The following SLC25A42 variants were observed in gnomAD, a reference collection of about 807,000 sequenced individuals.
SLC25A42 encodes solute carrier family 25 member 42.
A neutral mutation model predicts 34.7 loss-of-function variants in SLC25A42; 19 were observed. That is an observed-to-expected ratio of 0.55 (90% confidence interval 0.38 to 0.80). The LOEUF (loss-of-function observed/expected upper bound fraction) is 0.80, where lower values mean the gene tolerates loss of function less well. SLC25A42 is among the 30% of genes least tolerant of loss of function. The probability of loss-of-function intolerance (pLI) is 0.00; values close to 1 mark genes in which losing one functional copy is unlikely to be tolerated. For missense variants in SLC25A42, 364 were observed against 441.3 expected (o/e 0.82, Z 1.57); for synonymous variants, 205 against 191.2 (o/e 1.07, Z -0.59).
chr19:19,099,024 T>C (rs2059780629), intron 2 of SLC25A42, among the ~76,000 whole-genome samples: 1 of 152,216 alleles, frequency 6.6e-6, no homozygotes, highest in Admixed American at 6.5e-5. Context: ...CTCCATGGAA[T>C]ATTCCATTTG....
intron 2 of SLC25A42, among the ~76,000 whole-genome samples, chr19:19,098,254 TGGTG>T (rs2145917842): frequency 6.6e-6 from 1 of 152,252 alleles, no homozygotes; most frequent in South Asian, 2.1e-4. Context: ...CAGGTGCCAC[TGGTG>T]GCTACCTGGA....
intron 1 of SLC25A42, among the ~76,000 whole-genome samples, chr19:19,087,841 G>A (rs2059716117): frequency 6.6e-6 from 1 of 152,244 alleles, no homozygotes; most frequent in Non-Finnish European, 1.5e-5. Context: ...GCTGTGGAGT[G>A]GAAAAGGGCA....
intron 1 of SLC25A42, among the ~76,000 whole-genome samples, chr19:19,082,813 A>AT (rs1245493105): frequency 1.0e-4 from 15 of 148,918 alleles, no homozygotes; most frequent in Admixed American, 4.0e-4. Context: ...AGCCCAACTA[A>AT]TTTTTTTTTT....
chr19:19,076,300 T>TA (rs558947062), intron 1 of SLC25A42, among the ~76,000 whole-genome samples: 4,722 of 143,934 alleles, frequency 0.033, 155 homozygotes, highest in African/African-American at 0.092. Flanking sequence ...CTATCTCTAC[T>TA]AAAAAAAAAA....
chr19:19,080,685 G>C (rs765554968), intron 1 of SLC25A42, among the ~76,000 whole-genome samples: 1 of 152,018 alleles, frequency 6.6e-6, no homozygotes, highest in Non-Finnish European at 1.5e-5. Flanking sequence ...CACTTTGGGA[G>C]GCCAAGGTGG....
chr19:19,072,900 G>A (rs1208446149), intron 1 of SLC25A42, among the ~76,000 whole-genome samples: 1 of 151,618 alleles, frequency 6.6e-6, no homozygotes. Context: ...GTGCAGTGGT[G>A]GGATCATAGC....
chr19:19,066,784 C>G (rs1438063093), intron 1 of SLC25A42, among the ~76,000 whole-genome samples: 1 of 152,100 alleles, frequency 6.6e-6, no homozygotes. Flanking sequence ...ACAAACAGAG[C>G]TGCAATGGAT....
In SLC25A42 at chr19:19,070,627, T is replaced by C. The variant is rs191712942; in HGVS notation, c.-35+6512T>C. Reference sequence around the variant, plus strand: ...TCTTATAAGGACACTAGTCCTTGGGTTTAGGGCTCACCCTAAATCTCAAGG... The same window carrying C: ...TCTTATAAGGACACTAGTCCTTGGGCTTAGGGCTCACCCTAAATCTCAAGG... On this transcript the variant is annotated intron_variant, in intron 1 of 7. Coordinates refer to ENST00000318596, the MANE Select transcript of SLC25A42 (RefSeq NM_178526.5). Among the ~76,000 whole-genome samples the C allele has an allele frequency of 2.5e-3, 385 of 152,138 alleles. 11 individuals carry two copies. Among genetic ancestry groups the C allele is most frequent in the Admixed American group, 0.025 (374 of 15,262 alleles).
At chr19:19,089,622 C>T (rs944149540) in intron 1 of SLC25A42, among the ~76,000 whole-genome samples, 3 of 151,892 alleles carry the variant, frequency 2.0e-5, no homozygotes, top group African/African-American at 7.3e-5. Context: ...AATCCCAGCA[C>T]TTTGGGAGGC....
At chr19:19,101,973 CTTTTA>C in intron 3 of SLC25A42, 87 bp downstream of exon 3, 1 of 801,322 alleles carries the variant, frequency 1.2e-6, no homozygotes, top group Non-Finnish European at 2.0e-6. Flanking sequence ...TTCAAATTGG[CTTTTA>C]TTTTTAGATT....
At chr19:19,082,734 C>T (rs56159042) in intron 1 of SLC25A42, among the ~76,000 whole-genome samples, 9,686 of 152,062 alleles carry the variant, frequency 0.064, 373 homozygotes, top group Middle Eastern at 0.15. Context: ...GATCACACCT[C>T]GTTGCAGCCT....
At chr19:19,108,473 T>C (rs1234523275) in intron 7 of SLC25A42, among the ~76,000 whole-genome samples, 5 of 151,406 alleles carry the variant, frequency 3.3e-5, no homozygotes, top group Non-Finnish European at 5.9e-5. Flanking sequence ...CACCCAAGCC[T>C]GGGAGGTCAA....
chr19:19,089,552 A>G (rs1166384583), intron 1 of SLC25A42, among the ~76,000 whole-genome samples: 1 of 145,722 alleles, frequency 6.9e-6, no homozygotes, highest in African/African-American at 2.6e-5. Flanking sequence ...TAATAATAAT[A>G]ATAAATTATA....
chr19:19,099,624 C>T (rs990850304), intron 2 of SLC25A42, among the ~76,000 whole-genome samples: 5 of 152,272 alleles, frequency 3.3e-5, no homozygotes, highest in Admixed American at 6.5e-5. Context: ...AGTCTGACTC[C>T]GGTTGCCTGT....
Position 19,111,323 on chromosome 19 carries a change from C to G in SLC25A42, c.*447C>G, listed in dbSNP as rs1171179440. 5.8e-6 allele frequency: 1 copy of G among 172,744 alleles called. No homozygotes were observed. Among genetic ancestry groups the G allele is most frequent in the African/African-American group, 2.4e-5 (1 of 41,674 alleles). The allele number at this position is 172,744 out of a possible 1,614,324, so 10.7% of individuals were successfully genotyped here. A position where few individuals can be genotyped will look rare whatever the true frequency, so the allele number is the denominator to read the frequency against. ...CCCGGCCTCCAGGGTGCGGGGGCGC[C>G]TTTCTTGCAGGCGGACCCTGCCCAG... On this transcript the variant is annotated 3_prime_UTR_variant, in exon 8 of 8. Transcript: ENST00000318596.
At chr19:19,080,731 G>A (rs2059677147) in intron 1 of SLC25A42, among the ~76,000 whole-genome samples, 1 of 151,900 alleles carries the variant, frequency 6.6e-6, no homozygotes, top group South Asian at 2.1e-4. Context: ...ACCAGCCTGG[G>A]CAACATGGTG....
chr19:19,083,750 A>C (rs1324594198), intron 1 of SLC25A42, among the ~76,000 whole-genome samples: 1 of 152,120 alleles, frequency 6.6e-6, no homozygotes, highest in Non-Finnish European at 1.5e-5. Flanking sequence ...AGAGCCCCAG[A>C]AAAAGTGAAA....
intron 1 of SLC25A42, among the ~76,000 whole-genome samples, chr19:19,094,299 T>G (rs1332116557): frequency 6.6e-6 from 1 of 152,254 alleles, no homozygotes; most frequent in African/African-American, 2.4e-5. Flanking sequence ...TGTACTTACT[T>G]ACTCTGTCAT....
intron 1 of SLC25A42, among the ~76,000 whole-genome samples, chr19:19,090,941 C>T (rs1024332404): frequency 5.3e-5 from 8 of 152,204 alleles, no homozygotes; most frequent in African/African-American, 1.9e-4. Context: ...CCCCGGGGTC[C>T]GGGATGTCAC....
Sources: allele counts gnomAD v4.1 joint callset (sites outside exome capture counted in the v4.1 genomes callset), GRCh38; gene constraint gnomAD v4.1.1; transcripts MANE v1.5; gene names NCBI Gene and HGNC (gene_info 2026-07-23, HGNC 2026-07-21).